CAP2: variants seen among roughly 807,000 people sequenced by gnomAD.
CAP2 encodes cyclase associated actin cytoskeleton regulatory protein 2.
A neutral mutation model predicts 57.7 loss-of-function variants in CAP2; 24 were observed. The ratio of observed to expected loss-of-function variants is 0.42; its 90% confidence interval spans 0.30 to 0.58. The LOEUF is 0.58. Ranked by LOEUF, CAP2 falls within the 20% of genes least tolerant of loss-of-function variation. CAP2 has a pLI of 0.22. For synonymous variants in CAP2, 194 were observed against 207.2 expected, an observed-to-expected ratio of 0.94 and a Z score of 0.55; for missense variants, 501 against 590.3, an observed-to-expected ratio of 0.85 and a Z score of 1.57.
At chr6:17,511,334 G>T (rs542666427) in intron 6 of CAP2, among the ~76,000 whole-genome samples, 1 of 152,288 alleles carries the variant, frequency 6.6e-6, no homozygotes, top group African/African-American at 2.4e-5. Flanking sequence ...CAGTAGGACC[G>T]TAGGTAGAGG....
chr6:17,543,423 C>G (rs1293414429), intron 11 of CAP2, among the ~76,000 whole-genome samples: 2 of 152,028 alleles, frequency 1.3e-5, no homozygotes, highest in Non-Finnish European at 2.9e-5. Flanking sequence ...TGAGACCATC[C>G]TGGCTAACAC....
intron 7 of CAP2, chr6:17,531,791 T>C (rs1762647662): frequency 1.0e-5 from 6 of 571,818 alleles, no homozygotes; most frequent in Non-Finnish European, 1.9e-5. Context: ...AGGATAAAGA[T>C]ACCTGCAAAT....
chr6:17,416,984 TTAC>T (rs1759294448), intron 1 of CAP2, among the ~76,000 whole-genome samples: 1 of 151,944 alleles, frequency 6.6e-6, no homozygotes, highest in African/African-American at 2.4e-5. Flanking sequence ...GTAATCCTAG[TTAC>T]TAGGGAGGAT....
At chr6:17,530,830 TC>T in intron 7 of CAP2, 38 of 671,952 alleles carry the variant, frequency 5.7e-5, no homozygotes, top group South Asian at 8.3e-5. Flanking sequence ...TTTTTTTTTT[TC>T]AGTTTGAGAG....
intron 4 of CAP2, among the ~76,000 whole-genome samples, chr6:17,482,603 C>T (rs1372212095): frequency 6.6e-6 from 1 of 151,226 alleles, no homozygotes; most frequent in Non-Finnish European, 1.5e-5. Flanking sequence ...TTCTGAGACT[C>T]CCTCCTGACT....
At chr6:17,435,713 C>A (rs1404486429) in intron 3 of CAP2, among the ~76,000 whole-genome samples, 17 of 107,756 alleles carry the variant, frequency 1.6e-4, no homozygotes, top group East Asian at 5.5e-4. Flanking sequence ...AAGAAGTTTA[C>A]GGATAAAAAA....
intron 1 of CAP2, among the ~76,000 whole-genome samples, chr6:17,397,454 G>T (rs942873028): frequency 3.3e-5 from 5 of 151,992 alleles, no homozygotes; most frequent in African/African-American, 1.2e-4. Flanking sequence ...CAACATTTTG[G>T]GAGGCCGAGG....
At chr6:17,532,233 C>T (rs1252768736) in intron 7 of CAP2, among the ~76,000 whole-genome samples, 6 of 149,218 alleles carry the variant, frequency 4.0e-5, no homozygotes, top group East Asian at 2.0e-4. Flanking sequence ...CTCCGCCTCC[C>T]GAGTTCAAGT....
At chr6:17,531,812 G>C (rs772570668) in intron 7 of CAP2, among the ~76,000 whole-genome samples, 12 of 152,040 alleles carry the variant, frequency 7.9e-5, no homozygotes, top group Non-Finnish European at 1.6e-4. Context: ...CACCCAGACC[G>C]TCCTGAGGAG....
At chr6:17,516,397 G>C (rs1370675076) in intron 7 of CAP2, among the ~76,000 whole-genome samples, 1 of 152,152 alleles carries the variant, frequency 6.6e-6, no homozygotes, top group African/African-American at 2.4e-5. Context: ...CTCTGCACTT[G>C]CTTTTCATGG....
chr6:17,483,187 A>T (rs1761335947), intron 4 of CAP2, among the ~76,000 whole-genome samples: 2 of 152,228 alleles, frequency 1.3e-5, no homozygotes, highest in Non-Finnish European at 2.9e-5. Context: ...ATTGTTTATG[A>T]AGCCTATCAT....
intron 7 of CAP2, among the ~76,000 whole-genome samples, chr6:17,529,666 A>ATATATATATG (rs1762595727): frequency 6.8e-6 from 1 of 146,732 alleles, no homozygotes; most frequent in African/African-American, 2.5e-5. Flanking sequence ...ATATATATAT[A>ATATATATATG]TATATGTATA....
chr6:17,529,878 A>C (rs1033814817), intron 7 of CAP2, among the ~76,000 whole-genome samples: 1 of 151,746 alleles, frequency 6.6e-6, no homozygotes, highest in African/African-American at 2.4e-5. Context: ...AAATTGATAA[A>C]GAGTATTTTA....
chr6:17,463,574 G>A (rs181878251), intron 4 of CAP2, among the ~76,000 whole-genome samples: 138 of 152,254 alleles, frequency 9.1e-4, no homozygotes, highest in African/African-American at 3.0e-3. Context: ...CCTAAGTAGC[G>A]TAGATGGGCT....
chr6:17,551,660 T>A, intron 12 of CAP2, 56 bp downstream of exon 12: 1 of 1,325,248 alleles, frequency 7.5e-7, no homozygotes, highest in East Asian at 2.4e-5. Flanking sequence ...ATTATTAACA[T>A]TCTTAGAGAT....
intron 7 of CAP2, among the ~76,000 whole-genome samples, chr6:17,519,946 G>A (rs1022556609): frequency 6.6e-6 from 1 of 152,136 alleles, no homozygotes; most frequent in Non-Finnish European, 1.5e-5. Context: ...TAAACTTGTT[G>A]ACATATTTCT....
chr6:17,436,400 T>G (rs896631657), intron 3 of CAP2, among the ~76,000 whole-genome samples: 1 of 152,152 alleles, frequency 6.6e-6, no homozygotes, highest in African/African-American at 2.4e-5. Context: ...CCCAAAGTGC[T>G]GGGATTATAA....
rs1554122866 is a variant in CAP2, at chr6:17,440,614, G to GTGTGTGTGTGTGT, written c.222+13924_222+13925insTGTGTGTGTGTGT. ...TTTGGGCTGAAAACAAACTGTGTGT[G>GTGTGTGTGTGTGT]GTGTGTGTGTGTGTGTGTGTGTGTG... On this transcript the variant is annotated intron_variant, in intron 3 of 12. Transcript: ENST00000229922. 9.2e-5 allele frequency among the ~76,000 whole-genome samples: 13 copies of GTGTGTGTGTGTGT among 141,680 alleles called. No individual in the cohort carries two copies. In the South Asian group the frequency reaches 1.4e-3, roughly 15 times the overall value. The allele number at this position is 141,680 out of a possible 152,430, so 92.9% of individuals were successfully genotyped here.
intron 3 of CAP2, among the ~76,000 whole-genome samples, chr6:17,436,078 T>TTCCTTCCTTCC (rs1759874574): frequency 8.7e-6 from 1 of 115,150 alleles, no homozygotes; most frequent in African/African-American, 3.7e-5. Flanking sequence ...TCTTTCTTTC[T>TTCCTTCCTTCC]TTCTTTCTTT....
Sources: allele counts gnomAD v4.1 joint callset (sites outside exome capture counted in the v4.1 genomes callset), GRCh38; gene constraint gnomAD v4.1.1; transcripts MANE v1.5; gene names NCBI Gene and HGNC (gene_info 2026-07-23, HGNC 2026-07-21).